Variants in APBB1IP observed in about 807,000 individuals in gnomAD.
APBB1IP encodes amyloid beta A4 precursor protein-binding family B member 1-interacting protein.
In APBB1IP, 27 loss-of-function variants were observed where a neutral mutation model predicts 64.9. The observed-to-expected ratio is 0.42, with a 90% CI of 0.31 to 0.57. APBB1IP has a LOEUF of 0.57. Among genes scored for constraint, APBB1IP ranks in the 20% least tolerant of loss-of-function variants. The pLI, the probability that APBB1IP is intolerant of heterozygous loss-of-function variation, is 0.20. For missense variants in APBB1IP, 812 were observed against 845.5 expected, an observed-to-expected ratio of 0.96 and a Z score of 0.49; for synonymous variants, 392 against 331.0, an observed-to-expected ratio of 1.18 and a Z score of -2.00.
At chr10:26,492,947 G>A (rs187031378) in intron 3 of APBB1IP, among the ~76,000 whole-genome samples, 17 of 152,238 alleles carry the variant, frequency 1.1e-4, no homozygotes, top group African/African-American at 2.2e-4. Flanking sequence ...CCCTGGGGGC[G>A]CTGCAGGAGG....
intron 2 of APBB1IP, among the ~76,000 whole-genome samples, chr10:26,488,074 T>G (rs951147098): frequency 6.6e-6 from 1 of 152,214 alleles, no homozygotes; most frequent in Non-Finnish European, 1.5e-5. Flanking sequence ...GCAATTCACA[T>G]GAGCAGTTCT....
chr10:26,533,375 T>C (rs1268920862), intron 8 of APBB1IP, 64 bp from the exon 9 acceptor site: 18 of 927,790 alleles, frequency 1.9e-5, no homozygotes, highest in Non-Finnish European at 2.9e-5. Context: ...AGACTGTGAG[T>C]TCCTTGCAGA....
intron 2 of APBB1IP, among the ~76,000 whole-genome samples, chr10:26,472,735 G>A (rs1318930737): frequency 2.0e-5 from 3 of 152,030 alleles, no homozygotes; most frequent in Non-Finnish European, 2.9e-5. Context: ...TCAGGAGTTC[G>A]AGACCAGCCT....
Position 26,438,463 on chromosome 10 carries a change from G to GGGATAAGAGAGGA in APBB1IP, c.-203+8_-203+9insGGATAAGAGAGGA. 6.6e-6 allele frequency: 1 copy of GGGATAAGAGAGGA among 151,228 alleles called. No individual in the cohort carries two copies. The highest frequency in any genetic ancestry group is 6.6e-5 in the Admixed American group (1 of 15,220). 9.4% of individuals were successfully genotyped at this position (151,228 alleles called of 1,614,324 possible). ...AGGGCGCGCGCGGCACAGGTAGGGG[G>GGGATAAGAGAGGA]AGGCGCAACGTTTCCCAGAATTAAA... On this transcript the variant is annotated intron_variant, in intron 1 of 14. Transcript: ENST00000376236.
At chr10:26,552,451 C>A (rs1340644423) in intron 11 of APBB1IP, among the ~76,000 whole-genome samples, 1 of 151,914 alleles carries the variant, frequency 6.6e-6, no homozygotes, top group Admixed American at 6.6e-5. Flanking sequence ...ATTTAAAAAT[C>A]AGCCTGGTGT....
intron 2 of APBB1IP, among the ~76,000 whole-genome samples, chr10:26,447,244 G>A (rs1008166077): frequency 1.1e-4 from 17 of 151,534 alleles, no homozygotes; most frequent in African/African-American, 3.6e-4. Context: ...GCATGGTGGT[G>A]GGTGCCTGTA....
intron 2 of APBB1IP, among the ~76,000 whole-genome samples, chr10:26,487,054 A>G (rs1161910570): frequency 2.0e-5 from 3 of 152,156 alleles, no homozygotes; most frequent in African/African-American, 7.2e-5. Context: ...CTCAGAAGTG[A>G]CATACTCACA....
intron 4 of APBB1IP, among the ~76,000 whole-genome samples, 198 bp from the exon 5 acceptor site, chr10:26,500,621 G>A (rs1836084913): frequency 6.6e-6 from 1 of 152,134 alleles, no homozygotes. Context: ...GATTAACCAT[G>A]CAACAAATGC....
intron 9 of APBB1IP, 25 bp downstream of exon 9, chr10:26,533,550 AG>A: frequency 6.8e-7 from 1 of 1,463,668 alleles, no homozygotes; most frequent in Non-Finnish European, 9.3e-7. Flanking sequence ...GCAGAGTGGA[AG>A]AAAAGAGAAG....
intron 10 of APBB1IP, among the ~76,000 whole-genome samples, chr10:26,541,379 C>T (rs1005568425): frequency 3.9e-5 from 6 of 152,132 alleles, no homozygotes; most frequent in Non-Finnish European, 5.9e-5. Context: ...AATTGTCCCC[C>T]AACTTGGCCA....
chr10:26,448,354 G>T (rs1174863598), intron 2 of APBB1IP, among the ~76,000 whole-genome samples: 2 of 152,100 alleles, frequency 1.3e-5, no homozygotes, highest in East Asian at 3.8e-4. Flanking sequence ...TTATTAATGA[G>T]CTATTTTATT....
At chr10:26,443,599 A>G (rs1043465486) in intron 2 of APBB1IP, among the ~76,000 whole-genome samples, 2 of 152,044 alleles carry the variant, frequency 1.3e-5, no homozygotes, top group African/African-American at 4.8e-5. Flanking sequence ...CAGCAGCACA[A>G]TTAAGGCTCA....
intron 2 of APBB1IP, among the ~76,000 whole-genome samples, chr10:26,458,975 C>T (rs895035188): frequency 8.6e-5 from 13 of 151,638 alleles, no homozygotes; most frequent in African/African-American, 3.2e-4. Context: ...TTTTAGGGTA[C>T]ATGTGCACAA....
chr10:26,522,151 A>T (rs1190455001), intron 8 of APBB1IP, among the ~76,000 whole-genome samples: 1 of 152,238 alleles, frequency 6.6e-6, no homozygotes, highest in African/African-American at 2.4e-5. Context: ...GTTCCATGAC[A>T]ATTTGATTCC....
intron 6 of APBB1IP, among the ~76,000 whole-genome samples, chr10:26,511,107 G>A (rs1588595354): frequency 1.3e-5 from 2 of 152,106 alleles, no homozygotes; most frequent in African/African-American, 4.8e-5. Context: ...TTGAGAGGCC[G>A]AGGTGGGTGG....
intron 11 of APBB1IP, among the ~76,000 whole-genome samples, chr10:26,545,664 G>A (rs2132472486): frequency 6.6e-6 from 1 of 152,198 alleles, no homozygotes; most frequent in South Asian, 2.1e-4. Context: ...AGAGGCTGAG[G>A]CAGGAGAATG....
At chr10:26,450,682 C>T (rs1417414408) in intron 2 of APBB1IP, among the ~76,000 whole-genome samples, 1 of 139,744 alleles carries the variant, frequency 7.2e-6, no homozygotes, top group Non-Finnish European at 1.5e-5. Flanking sequence ...CCTCCTGGAA[C>T]TCAGATTCTT....
chr10:26,483,512 G>T (rs1835859919), intron 2 of APBB1IP, among the ~76,000 whole-genome samples: 1 of 152,174 alleles, frequency 6.6e-6, no homozygotes, highest in Admixed American at 6.5e-5. Context: ...CAGGTAGAGA[G>T]CAAGGGGAGA....
chr10:26,555,214 C>G (rs925962430), intron 11 of APBB1IP, among the ~76,000 whole-genome samples: 3 of 152,130 alleles, frequency 2.0e-5, no homozygotes, highest in African/African-American at 7.2e-5. Context: ...TCCTCATAGC[C>G]CCCAGTGACT....
Sources: gnomAD v4.1 joint callset for allele counts (sites outside exome capture counted in the v4.1 genomes callset) on GRCh38, gnomAD v4.1.1 for gene constraint, MANE v1.5 for transcripts, NCBI Gene and HGNC (gene_info 2026-07-23, HGNC 2026-07-21) for gene names.